CFAP47: variants seen among roughly 807,000 people sequenced by gnomAD.
The protein encoded by CFAP47 is cilia- and flagella-associated protein 47.
CFAP47 carries 29 observed loss-of-function variants against 148.1 expected under a neutral mutation model. The ratio of observed to expected loss-of-function variants is 0.20; its 90% confidence interval spans 0.15 to 0.27. The LOEUF (loss-of-function observed/expected upper bound fraction) is 0.27. Among genes scored for constraint, CFAP47 ranks in the 10% least tolerant of loss-of-function variants. The pLI, the probability that CFAP47 is intolerant of heterozygous loss-of-function variation, is 1.00. For missense variants in CFAP47, 1,872 were observed against 1,697.5 expected (o/e 1.10, Z -1.81); for synonymous variants, 664 against 577.3 (o/e 1.15, Z -2.15).
At chrX:36,327,260 A>G (rs1556013235) in intron 57 of CFAP47, among the ~76,000 whole-genome samples, 1 of 112,028 alleles carries the variant, frequency 8.9e-6, no homozygotes, top group Non-Finnish European at 1.9e-5. Flanking sequence ...GAACTTCAAC[A>G]AATCAACAAG....
At chrX:36,120,888 A>G (rs1938731143) in intron 33 of CFAP47, among the ~76,000 whole-genome samples, 1 of 111,345 alleles carries the variant, frequency 9.0e-6, no homozygotes, top group African/African-American at 3.3e-5. Flanking sequence ...TTTTGTCTAT[A>G]GTGCAGATGA....
intron 48 of CFAP47, among the ~76,000 whole-genome samples, chrX:36,245,342 A>T (rs890395862): frequency 1.8e-5 from 2 of 111,991 alleles, no homozygotes; most frequent in Admixed American, 9.5e-5. Context: ...AAACAGAGCT[A>T]TCAGGCAAAA....
At chrX:35,930,931 G>A (rs914688014) in intron 2 of CFAP47, among the ~76,000 whole-genome samples, 2 of 110,665 alleles carry the variant, frequency 1.8e-5, no homozygotes, top group African/African-American at 3.3e-5. Flanking sequence ...TTTAAATTCC[G>A]TTGATTGCTG....
chrX:36,259,265 C>A (rs1408896252), intron 49 of CFAP47, among the ~76,000 whole-genome samples: 1 of 111,031 alleles, frequency 9.0e-6, no homozygotes, highest in Non-Finnish European at 1.9e-5. Flanking sequence ...TTAAATGTAG[C>A]AAGTGCTAGA....
rs909853949 is a variant in CFAP47, at chrX:36,375,069, C to T, written c.9186-4281C>T. 45 of 415,219 alleles carry T rather than the reference C, an allele frequency of 1.1e-4. No individual in the cohort carries two copies. In the East Asian group the frequency reaches 2.2e-3, roughly 20 times the overall value. 34.2% of individuals were successfully genotyped at this position (415,219 alleles called of 1,213,427 possible). On this transcript the variant is annotated intron_variant, in intron 62 of 63. Transcript: ENST00000378653. ...AGTGTAACCACACTTCATCATCACA[C>T]TGAGAAGCTGGATGATGACTTTGGA...
At chrX:36,064,652 A>G (rs1937621675) in intron 26 of CFAP47, among the ~76,000 whole-genome samples, 1 of 112,034 alleles carries the variant, frequency 8.9e-6, no homozygotes, top group Admixed American at 9.5e-5. Flanking sequence ...TACCTCAGCT[A>G]GTGACCATAA....
chrX:35,934,618 C>T (rs1935883049), intron 2 of CFAP47, among the ~76,000 whole-genome samples: 1 of 111,163 alleles, frequency 9.0e-6, no homozygotes, highest in Non-Finnish European at 1.9e-5. Context: ...CCACTTATGT[C>T]AGGTGGAAGG....
At chrX:35,956,605 T>C (rs9785603) in intron 8 of CFAP47, among the ~76,000 whole-genome samples, 236 of 111,554 alleles carry the variant, frequency 2.1e-3, no homozygotes, top group African/African-American at 7.5e-3. Context: ...GAGCCAGACA[T>C]TGAAGCTTGA....
At chrX:36,086,653 T>C (rs1212246668) in intron 30 of CFAP47, among the ~76,000 whole-genome samples, 1 of 111,777 alleles carries the variant, frequency 8.9e-6, no homozygotes, top group East Asian at 2.8e-4. Flanking sequence ...CTTTGACATG[T>C]TACTTAAAAT....
chrX:36,189,521 G>A (rs1163178674), intron 41 of CFAP47, among the ~76,000 whole-genome samples: 1 of 111,469 alleles, frequency 9.0e-6, no homozygotes, highest in Non-Finnish European at 1.9e-5. Flanking sequence ...CTGCATTCTA[G>A]CATACAATTT....
intron 1 of CFAP47, among the ~76,000 whole-genome samples, chrX:35,924,168 T>C (rs1205330799): frequency 9.6e-6 from 1 of 103,941 alleles, no homozygotes; most frequent in Non-Finnish European, 1.9e-5. Flanking sequence ...TATGTATATA[T>C]GTACATGTAT....
intron 21 of CFAP47, among the ~76,000 whole-genome samples, chrX:36,002,565 A>G (rs1232828392): frequency 9.0e-6 from 1 of 111,313 alleles, no homozygotes; most frequent in African/African-American, 3.3e-5. Context: ...CTGGGCAACA[A>G]GAGCGAGATT....
At chrX:36,287,382 T>A (rs1389826069) in intron 51 of CFAP47, among the ~76,000 whole-genome samples, 1 of 111,645 alleles carries the variant, frequency 9.0e-6, no homozygotes, top group East Asian at 2.8e-4. Flanking sequence ...CAGTGGGATA[T>A]GTGTAACTCG....
chrX:35,943,731 G>C (rs1422983395), intron 3 of CFAP47, among the ~76,000 whole-genome samples: 1 of 111,521 alleles, frequency 9.0e-6, no homozygotes, highest in Non-Finnish European at 1.9e-5. Flanking sequence ...TATCACTGAA[G>C]ATTAGAAAAA....
chrX:36,314,784 A>G (rs1472261128), intron 56 of CFAP47, among the ~76,000 whole-genome samples: 1 of 112,071 alleles, frequency 8.9e-6, no homozygotes, highest in Non-Finnish European at 1.9e-5. Context: ...GGATATTGAA[A>G]AAGTCTTAAA....
chrX:35,996,646 C>T (rs1936851465), intron 18 of CFAP47, among the ~76,000 whole-genome samples: 1 of 111,612 alleles, frequency 9.0e-6, no homozygotes, highest in Non-Finnish European at 1.9e-5. Context: ...AGGAATTATA[C>T]AACTAAATTC....
rs191551284 is a variant in CFAP47, at chrX:36,283,397, T to G, written c.7589-2232T>G. Reference sequence around the variant, plus strand: ...AACTAAATCAGCTACATCACAACACTGCCACGTGTGATAGTCACAGTAATT... The same window carrying G: ...AACTAAATCAGCTACATCACAACACGGCCACGTGTGATAGTCACAGTAATT... On this transcript the variant is annotated intron_variant, in intron 50 of 63. Coordinates refer to ENST00000378653, the MANE Select transcript of CFAP47 (RefSeq NM_001304548.2). 1.8e-3 allele frequency among the ~76,000 whole-genome samples: 196 copies of G among 111,850 alleles called. 1 individual carries two copies. The highest frequency in any genetic ancestry group is 5.8e-3 in the African/African-American group (178 of 30,882).
chrX:35,934,931 C>T (rs753323632), intron 2 of CFAP47, among the ~76,000 whole-genome samples: 1 of 111,172 alleles, frequency 9.0e-6, no homozygotes, highest in East Asian at 2.9e-4. Flanking sequence ...AGCTGGTATA[C>T]AAGATTCAAG....
At position 36,218,579 on chromosome X, in the gene CFAP47, G is replaced by A. The variant is rs991731385; in HGVS notation, c.6818-10049G>A. On this transcript the variant is annotated intron_variant, in intron 45 of 63. Coordinates refer to ENST00000378653, the MANE Select transcript of CFAP47 (RefSeq NM_001304548.2). ...GGTGGCAGAGATGGGAAGAGTCTAC[G>A]TGAGTTGTGGTGCATTTTGTTGATG... Among the ~76,000 whole-genome samples the A allele has an allele frequency of 3.6e-5, 4 of 111,662 alleles. No homozygotes were observed. The Admixed American group carries it at 3.8e-4, about 11-fold the overall frequency.
Sources: allele counts gnomAD v4.1 joint callset (sites outside exome capture counted in the v4.1 genomes callset), GRCh38; gene constraint gnomAD v4.1.1; transcripts MANE v1.5; gene names NCBI Gene and HGNC (gene_info 2026-07-23, HGNC 2026-07-21).